Variants in TRPS1 observed in about 807,000 individuals in gnomAD.
The protein encoded by TRPS1 is transcriptional repressor GATA binding 1.
Under a neutral mutation model 101.2 loss-of-function variants are expected in TRPS1, and 6 were observed. The observed-to-expected ratio is 0.06, with a 90% CI of 0.03 to 0.12. TRPS1 has a LOEUF of 0.12. Ranked by LOEUF, TRPS1 falls within the 10% of genes least tolerant of loss-of-function variation. TRPS1 has a pLI of 1.00. For missense variants in TRPS1, 1,363 were observed against 1,567.0 expected (o/e 0.87, Z 2.20); for synonymous variants, 578 against 589.8 (o/e 0.98, Z 0.29).
At chr8:115,422,567 C>T (rs925467240) in intron 5 of TRPS1, among the ~76,000 whole-genome samples, 1 of 152,048 alleles carries the variant, frequency 6.6e-6, no homozygotes, top group South Asian at 2.1e-4. Context: ...GGTTTCACCA[C>T]GTTGACCAGC....
At chr8:115,482,189 C>T (rs542320105) in intron 5 of TRPS1, among the ~76,000 whole-genome samples, 1 of 152,220 alleles carries the variant, frequency 6.6e-6, no homozygotes, top group South Asian at 2.1e-4. Flanking sequence ...CTTTTAATAG[C>T]AACTAACCAT....
chr8:115,457,715 C>A (rs1297505412), intron 5 of TRPS1, among the ~76,000 whole-genome samples: 3 of 152,064 alleles, frequency 2.0e-5, no homozygotes, highest in African/African-American at 7.2e-5. Context: ...CCTAAACGAC[C>A]ACTAACGCTG....
chr8:115,660,290 A>T (rs1339809184), intron 1 of TRPS1, among the ~76,000 whole-genome samples: 1 of 152,024 alleles, frequency 6.6e-6, no homozygotes, highest in Non-Finnish European at 1.5e-5. Flanking sequence ...AGCTTTATAC[A>T]TTCTGTCCAA....
chr8:115,567,285 A>G (rs1055602287), intron 5 of TRPS1, among the ~76,000 whole-genome samples: 17 of 152,154 alleles, frequency 1.1e-4, no homozygotes, highest in Non-Finnish European at 4.4e-5. Flanking sequence ...AGTTACAGAC[A>G]TATTTTTTCC....
rs959085737 is a variant in TRPS1 at position 115,659,776 on chromosome 8, A to C, written c.-122+8769T>G. Reference sequence around the variant, plus strand: ...TAGGCACAAGTAGAATTTGGTTTTTAATTTGTTTTGTCTATCATGCTCTCA... The same window carrying C: ...TAGGCACAAGTAGAATTTGGTTTTTCATTTGTTTTGTCTATCATGCTCTCA... On this transcript the variant is annotated intron_variant, in intron 1 of 6. Transcript: ENST00000395715. Among the ~76,000 whole-genome samples the C allele has an allele frequency of 3.9e-5, 6 of 151,990 alleles. No homozygotes were observed. The East Asian group carries it at 1.2e-3, about 29-fold the overall frequency.
At position 115,410,332 on chromosome 8, in the gene TRPS1, AC is replaced by A. The variant is rs1198081117; in HGVS notation, c.*3690del. On this transcript the variant is annotated 3_prime_UTR_variant, in exon 7 of 7. Transcript: ENST00000395715. ...TGTGCAATTATAAACATAATGTGCT[AC>A]CACAGGCTTCAACAAAGAGCTGTTA... The A allele has an allele frequency of 6.6e-6, 1 of 152,504 alleles. No individual in the cohort carries two copies. The highest frequency in any genetic ancestry group is 1.5e-5 in the Non-Finnish European group (1 of 68,006). 9.4% of individuals were successfully genotyped at this position (152,504 alleles called of 1,614,324 possible).
At chr8:115,471,884 T>C (rs1316174315) in intron 5 of TRPS1, among the ~76,000 whole-genome samples, 1 of 152,242 alleles carries the variant, frequency 6.6e-6, no homozygotes, top group East Asian at 1.9e-4. Flanking sequence ...AAGTAGGTCA[T>C]GCTGATGCAA....
At chr8:115,542,155 A>T (rs1816468255) in intron 5 of TRPS1, among the ~76,000 whole-genome samples, 1 of 152,188 alleles carries the variant, frequency 6.6e-6, no homozygotes. Flanking sequence ...CAGTGTTGGC[A>T]ATTTACAATT....
intron 3 of TRPS1, among the ~76,000 whole-genome samples, chr8:115,607,107 C>G (rs534674622): frequency 6.6e-6 from 1 of 152,228 alleles, no homozygotes; most frequent in Non-Finnish European, 1.5e-5. Context: ...ATTTTGCAAT[C>G]TTTAAGCCTC....
At chr8:115,585,767 G>A (rs1202444351) in intron 5 of TRPS1, among the ~76,000 whole-genome samples, 2 of 152,120 alleles carry the variant, frequency 1.3e-5, no homozygotes, top group Admixed American at 1.3e-4. Flanking sequence ...CCTGCAGGAA[G>A]GATTCTTTGT....
intron 5 of TRPS1, among the ~76,000 whole-genome samples, chr8:115,478,423 G>A (rs911233554): frequency 1.1e-4 from 17 of 152,092 alleles, no homozygotes; most frequent in Admixed American, 2.0e-4. Context: ...TTTTAACATT[G>A]TTTGATTTCC....
At chr8:115,495,026 A>G (rs1181034256) in intron 5 of TRPS1, among the ~76,000 whole-genome samples, 1 of 152,156 alleles carries the variant, frequency 6.6e-6, no homozygotes, top group African/African-American at 2.4e-5. Context: ...AGAGAATGGG[A>G]TGACTTAAAC....
intron 4 of TRPS1, among the ~76,000 whole-genome samples, chr8:115,594,899 T>C (rs1817753400): frequency 6.6e-6 from 1 of 151,926 alleles, no homozygotes; most frequent in South Asian, 2.1e-4. Flanking sequence ...TTTTTTTCTT[T>C]TAAATGTTAA....
At chr8:115,551,794 A>C (rs1023612991) in intron 5 of TRPS1, among the ~76,000 whole-genome samples, 4 of 152,230 alleles carry the variant, frequency 2.6e-5, no homozygotes, top group Admixed American at 1.3e-4. Context: ...AGGCGGAAGT[A>C]AAATGCATTT....
intron 5 of TRPS1, among the ~76,000 whole-genome samples, chr8:115,579,451 T>G (rs1322735585): frequency 6.6e-6 from 1 of 152,100 alleles, no homozygotes; most frequent in Non-Finnish European, 1.5e-5. Context: ...GTATAAAAAT[T>G]TAAACTAAAT....
chr8:115,637,026 T>G (rs1182122723), intron 1 of TRPS1, among the ~76,000 whole-genome samples: 1 of 152,038 alleles, frequency 6.6e-6, no homozygotes, highest in Non-Finnish European at 1.5e-5. Flanking sequence ...TCGTTCATAA[T>G]AAAATAACCA....
At chr8:115,659,635 T>C (rs1305058242) in intron 1 of TRPS1, among the ~76,000 whole-genome samples, 1 of 151,990 alleles carries the variant, frequency 6.6e-6, no homozygotes, top group African/African-American at 2.4e-5. Context: ...AACTTTCTTT[T>C]AGGAACTTTT....
chr8:115,559,748 T>C (rs2130364566), intron 5 of TRPS1, among the ~76,000 whole-genome samples: 1 of 152,254 alleles, frequency 6.6e-6, no homozygotes, highest in East Asian at 1.9e-4. Context: ...TTAAAAAATG[T>C]CAAATTCCTG....
intron 5 of TRPS1, among the ~76,000 whole-genome samples, chr8:115,524,367 C>T (rs1207907613): frequency 8.3e-6 from 1 of 119,928 alleles, no homozygotes; most frequent in Non-Finnish European, 1.6e-5. Context: ...GTTGCTCAGG[C>T]TGGAGTGCAA....
Sources: allele counts gnomAD v4.1 joint callset (sites outside exome capture counted in the v4.1 genomes callset), GRCh38; gene constraint gnomAD v4.1.1; transcripts MANE v1.5; gene names NCBI Gene and HGNC (gene_info 2026-07-23, HGNC 2026-07-21).